PARD3: variants seen among roughly 807,000 people sequenced by gnomAD.
The protein encoded by PARD3 is par-3 family cell polarity regulator.
PARD3 carries 75 observed loss-of-function variants against 155.4 expected under a neutral mutation model. The ratio of observed to expected loss-of-function variants is 0.48; its 90% CI spans 0.40 to 0.58. The LOEUF (loss-of-function observed/expected upper bound fraction) is 0.58. Among genes scored for constraint, PARD3 ranks in the 20% least tolerant of loss-of-function variants. The probability of loss-of-function intolerance (pLI) is 0.00; values close to 1 mark genes in which losing one functional copy is unlikely to be tolerated. For synonymous variants in PARD3, 576 were observed against 610.5 expected, an observed-to-expected ratio of 0.94 and a Z score of 0.83; for missense variants, 1,642 against 1,721.7, an observed-to-expected ratio of 0.95 and a Z score of 0.82.
rs1001156724 is a variant in PARD3, at chr10:34,815,115, G to A, written c.-120C>T. 2.3e-5 allele frequency: 11 copies of A among 471,850 alleles called. No homozygotes were observed. The highest frequency in any genetic ancestry group is 2.1e-4 in the African/African-American group (10 of 46,850). The allele number at this position is 471,850 out of a possible 1,614,324, so 29.2% of individuals were successfully genotyped here. A position where few individuals can be genotyped will look rare whatever the true frequency, so the allele number is the denominator to read the frequency against. ...GGGGACTCGGGCGCGCGGGCGGCTAGGGGCGCGGGCAGGCGGCGGCGACGC... is the reference window on the plus strand; with the variant it reads ...GGGGACTCGGGCGCGCGGGCGGCTAAGGGCGCGGGCAGGCGGCGGCGACGC... On this transcript the variant is annotated 5_prime_UTR_variant, in exon 1 of 25. Transcript: ENST00000374788.
chr10:34,737,379 A>G (rs530305831), intron 1 of PARD3, among the ~76,000 whole-genome samples: 5 of 152,304 alleles, frequency 3.3e-5, no homozygotes, highest in African/African-American at 1.2e-4. Flanking sequence ...ATTTTGCCTT[A>G]AAGGACAGCT....
chr10:34,651,635 GT>G (rs1452269765), intron 2 of PARD3, among the ~76,000 whole-genome samples: 3 of 152,156 alleles, frequency 2.0e-5, no homozygotes, highest in African/African-American at 7.2e-5. Flanking sequence ...CATGCTGGTT[GT>G]TTTTTTGTAA....
At chr10:34,299,520 G>A (rs919687078) in intron 20 of PARD3, among the ~76,000 whole-genome samples, 10 of 152,162 alleles carry the variant, frequency 6.6e-5, no homozygotes, top group Non-Finnish European at 1.3e-4. Context: ...TTGCTGACCA[G>A]ACTAAATGGA....
At chr10:34,716,130 A>G (rs1324332832) in intron 1 of PARD3, among the ~76,000 whole-genome samples, 1 of 152,234 alleles carries the variant, frequency 6.6e-6, no homozygotes, top group Non-Finnish European at 1.5e-5. Flanking sequence ...CATAAAATTC[A>G]TAATTCCTTA....
intron 1 of PARD3, among the ~76,000 whole-genome samples, chr10:34,786,481 C>T (rs1840977451): frequency 1.3e-5 from 2 of 152,186 alleles, no homozygotes; most frequent in Non-Finnish European, 2.9e-5. Context: ...AACAAGGAGG[C>T]TCTTAGGGAT....
intron 22 of PARD3, among the ~76,000 whole-genome samples, chr10:34,203,328 AAT>A (rs1951310241): frequency 6.6e-6 from 1 of 152,202 alleles, no homozygotes; most frequent in Non-Finnish European, 1.5e-5. Flanking sequence ...ACACAGATCA[AAT>A]GAATGGCTGT....
intron 5 of PARD3, among the ~76,000 whole-genome samples, chr10:34,416,767 T>C (rs1386467833): frequency 6.6e-6 from 1 of 152,220 alleles, no homozygotes; most frequent in Non-Finnish European, 1.5e-5. Context: ...TAAAATAATG[T>C]ATGAATTTTG....
chr10:34,753,913 G>T lies in PARD3; in HGVS notation c.121-57494C>A, dbSNP rs560319778. Among the ~76,000 whole-genome samples the T allele has an allele frequency of 2.6e-5, 4 of 152,236 alleles. No homozygotes were observed. In the South Asian group the frequency reaches 8.3e-4, roughly 32 times the overall value. The stretch of plus-strand genomic sequence containing the variant: ...AAAGGAGCACACAGTTCTCATCTAG[G>T]ATACTTTTAAAGTGGCTTCCCCTGA... On this transcript the variant is annotated intron_variant, in intron 1 of 24. Coordinates refer to ENST00000374788, the MANE Select transcript of PARD3 (RefSeq NM_001184785.2).
intron 4 of PARD3, among the ~76,000 whole-genome samples, chr10:34,458,501 C>A (rs372756967): frequency 6.6e-6 from 1 of 152,112 alleles, no homozygotes; most frequent in African/African-American, 2.4e-5. Flanking sequence ...CTGTGCCCAG[C>A]CTCAAATTAT....
intron 1 of PARD3, among the ~76,000 whole-genome samples, chr10:34,704,137 C>T (rs1320725608): frequency 6.6e-6 from 1 of 152,138 alleles, no homozygotes; most frequent in Non-Finnish European, 1.5e-5. Context: ...CCAAATGTGA[C>T]CTCTTCAAAA....
intron 2 of PARD3, among the ~76,000 whole-genome samples, chr10:34,531,443 G>A (rs1296747709): frequency 6.6e-6 from 1 of 152,064 alleles, no homozygotes; most frequent in East Asian, 1.9e-4. Flanking sequence ...GCTTCTTGTT[G>A]CTTTAACTTG....
At chr10:34,646,996 C>CT (rs1379081270) in intron 2 of PARD3, among the ~76,000 whole-genome samples, 1 of 152,200 alleles carries the variant, frequency 6.6e-6, no homozygotes, top group Non-Finnish European at 1.5e-5. Context: ...AACCATACAA[C>CT]TCCCACTTGG....
intron 2 of PARD3, among the ~76,000 whole-genome samples, chr10:34,537,077 A>G (rs2083279992): frequency 6.6e-6 from 1 of 152,190 alleles, no homozygotes; most frequent in Non-Finnish European, 1.5e-5. Context: ...AACTAAGCTC[A>G]CTGCAACCTC....
rs148007106 is a variant in PARD3, at chr10:34,440,470, A to C, written c.714+9847T>G. Among the ~76,000 whole-genome samples, 458 of 152,288 alleles carry C rather than the reference A, an allele frequency of 3.0e-3. 1 individual carries two copies. The highest frequency in any genetic ancestry group is 4.6e-3 in the Non-Finnish European group (315 of 68,018). ...AGACTGCCTGCAATGAAAATATGCA[A>C]AGGCACCTGAAGGTCAAAGTTAAAA... is the stretch of plus-strand genomic sequence containing the variant. On this transcript the variant is annotated intron_variant, in intron 5 of 24. Transcript: ENST00000374788.
intron 22 of PARD3, among the ~76,000 whole-genome samples, chr10:34,251,077 C>T (rs1038746646): frequency 5.3e-5 from 8 of 152,166 alleles, no homozygotes; most frequent in African/African-American, 1.4e-4. Context: ...TACCAAATTA[C>T]TAAAGATTAA....
At chr10:34,760,270 C>T (rs1199757527) in intron 1 of PARD3, among the ~76,000 whole-genome samples, 1 of 152,248 alleles carries the variant, frequency 6.6e-6, no homozygotes, top group Non-Finnish European at 1.5e-5. Context: ...GATCCTCCCA[C>T]CTTGGCCTCC....
intron 3 of PARD3, among the ~76,000 whole-genome samples, chr10:34,509,290 C>A (rs955513270): frequency 7.9e-5 from 12 of 152,028 alleles, no homozygotes; most frequent in African/African-American, 2.9e-4. Flanking sequence ...TATCCCATGT[C>A]AAGCTCTTCG....
chr10:34,613,135 T>TG (rs2091027675), intron 2 of PARD3, among the ~76,000 whole-genome samples: 1 of 152,208 alleles, frequency 6.6e-6, no homozygotes. Context: ...AGCCTACGAT[T>TG]GCTCAATCAT....
chr10:34,346,059 C>A, intron 15 of PARD3: 1 of 986,924 alleles, frequency 1.0e-6, no homozygotes. Flanking sequence ...TTTGTCACCC[C>A]CAGCCCAAAG....
Sources: gnomAD v4.1 joint callset for allele counts (sites outside exome capture counted in the v4.1 genomes callset) on GRCh38, gnomAD v4.1.1 for gene constraint, MANE v1.5 for transcripts, NCBI Gene and HGNC (gene_info 2026-07-23, HGNC 2026-07-21) for gene names.